ELAPOR1: variants seen among roughly 807,000 people sequenced by gnomAD.
ELAPOR1 encodes endosome/lysosome-associated apoptosis and autophagy regulator 1.
In ELAPOR1, 77 loss-of-function variants were observed where a neutral mutation model predicts 119.7. The observed-to-expected ratio is 0.64, with a 90% CI of 0.54 to 0.78. ELAPOR1 has a LOEUF of 0.78. Among genes scored for constraint, ELAPOR1 ranks in the 30% least tolerant of loss-of-function variants. The pLI is 0.00. For synonymous variants in ELAPOR1, 481 were observed against 487.2 expected (o/e 0.99, Z 0.17); for missense variants, 1,115 against 1,270.4 (o/e 0.88, Z 1.86).
At chr1:109,190,400 A>C (rs971662062) in intron 11 of ELAPOR1, among the ~76,000 whole-genome samples, 1 of 152,358 alleles carries the variant, frequency 6.6e-6, no homozygotes, top group Admixed American at 6.5e-5. Context: ...GAATTCAGGC[A>C]AATGGCTAAA....
intron 2 of ELAPOR1, among the ~76,000 whole-genome samples, chr1:109,164,083 C>A (rs1479245794): frequency 6.6e-6 from 1 of 152,184 alleles, no homozygotes; most frequent in East Asian, 1.9e-4. Context: ...CCATGAAATT[C>A]ATTCCTTTAA....
At chr1:109,169,550 A>G (rs1464949422) in intron 3 of ELAPOR1, among the ~76,000 whole-genome samples, 2 of 151,770 alleles carry the variant, frequency 1.3e-5, no homozygotes, top group Admixed American at 1.3e-4. Flanking sequence ...CGCCCACCCA[A>G]CTGGCCATTA....
At chr1:109,201,024 T>C (rs978764570) in intron 21 of ELAPOR1, 124 bp downstream of exon 21, 4 of 883,912 alleles carry the variant, frequency 4.5e-6, no homozygotes, top group South Asian at 1.8e-5. Context: ...CCGATACAAT[T>C]CCATTTCCCC....
intron 1 of ELAPOR1, among the ~76,000 whole-genome samples, chr1:109,142,941 T>A (rs1476055694): frequency 6.6e-6 from 1 of 152,134 alleles, no homozygotes; most frequent in African/African-American, 2.4e-5. Context: ...AAATGTGGTA[T>A]GTCCATACAA....
rs1286050424 is a variant in ELAPOR1, at chr1:109,202,922, C to G, written c.2974-22C>G. 4.3e-6 allele frequency: 7 copies of G among 1,614,018 alleles called. No homozygotes were observed. The South Asian group carries it at 7.7e-5, about 18-fold the overall frequency. ...ACTTGCCCCTGTGCAGCAGCCAGCT[C>G]CTGTCACCATCTCTCTTTCAGAGGA... On this transcript the variant is annotated intron_variant, in intron 21 of 21. Transcript: ENST00000369939.
intron 17 of ELAPOR1, 40 bp from the exon 18 acceptor site, chr1:109,198,532 TG>T: frequency 6.4e-7 from 1 of 1,556,146 alleles, no homozygotes; most frequent in Non-Finnish European, 8.8e-7. Context: ...ATAACACAGC[TG>T]AGTGACTCAT....
intron 7 of ELAPOR1, among the ~76,000 whole-genome samples, chr1:109,178,656 A>C (rs6688962): frequency 0.46 from 70,499 of 152,048 alleles, 17,364 homozygotes; most frequent in African/African-American, 0.64. Context: ...GGGATAGGAG[A>C]GCTGGGTGTA....
intron 1 of ELAPOR1, among the ~76,000 whole-genome samples, chr1:109,147,287 A>G (rs1376433412): frequency 6.6e-6 from 1 of 152,188 alleles, no homozygotes; most frequent in South Asian, 2.1e-4. Flanking sequence ...TTATCCAGCC[A>G]TGAAAAGATA....
chr1:109,172,098 G>T, intron 4 of ELAPOR1, 85 bp downstream of exon 4: 1 of 1,473,904 alleles, frequency 6.8e-7, no homozygotes, highest in East Asian at 2.3e-5. Flanking sequence ...CATGAGTGTA[G>T]CCCTGCTTGG....
intron 1 of ELAPOR1, among the ~76,000 whole-genome samples, chr1:109,121,800 GTCTC>G (rs911485318): frequency 6.2e-5 from 9 of 144,122 alleles, no homozygotes; most frequent in Non-Finnish European, 1.1e-4. Context: ...TTGAGACAGA[GTCTC>G]TCTCTGTCAC....
At chr1:109,135,194 C>G (rs1649386085) in intron 1 of ELAPOR1, among the ~76,000 whole-genome samples, 1 of 152,128 alleles carries the variant, frequency 6.6e-6, no homozygotes. Context: ...TAGGCCTACT[C>G]CAGAGATTCT....
rs778814758 is a variant in ELAPOR1, at chr1:109,200,732, T to A, written c.2808-3T>A. On this transcript the variant is annotated splice_region_variant and splice_polypyrimidine_tract_variant and intron_variant, in intron 20 of 21. Transcript: ENST00000369939. The stretch of plus-strand genomic sequence containing the variant: ...TTGTCTTTCCCATCCTCCTGTTTTA[T>A]AGACTAGAGTACAAGTACTCCAAGC... The A allele has an allele frequency of 6.2e-7, 1 of 1,612,140 alleles. No homozygotes were observed. The highest frequency in any genetic ancestry group is 8.5e-7 in the Non-Finnish European group (1 of 1,179,162).
At chr1:109,123,835 A>G (rs1328045251) in intron 1 of ELAPOR1, among the ~76,000 whole-genome samples, 1 of 152,062 alleles carries the variant, frequency 6.6e-6, no homozygotes, top group Non-Finnish European at 1.5e-5. Flanking sequence ...GTTTTTCTCT[A>G]TCTCATTCCC....
At chr1:109,120,563 T>C (rs1324822472) in intron 1 of ELAPOR1, among the ~76,000 whole-genome samples, 5 of 152,100 alleles carry the variant, frequency 3.3e-5, no homozygotes, top group Non-Finnish European at 5.9e-5. Context: ...TCCAGAGCTG[T>C]GAGCAATCAA....
In ELAPOR1 at chr1:109,171,962, C is replaced by G. The variant is rs201708708; in HGVS notation, c.564C>G (p.Thr188=). 1.7e-5 allele frequency: 28 copies of G among 1,614,032 alleles called. No homozygotes were observed. Among genetic ancestry groups the G allele is most frequent in the Non-Finnish European group, 2.3e-5 (27 of 1,180,036 alleles). Residue 188 remains threonine (T), a synonymous_variant, in exon 4 of 22, where the codon ACC becomes ACG. Transcript: ENST00000369939. ...CCGTCAACCTGAAGCAATCTGGCAC[C>G]GTTAACTTCGAATACTACTATCCAG... ...MYAVNLKQSG[T]VNFEYYYPDS...
In ELAPOR1 at chr1:109,194,607, A is replaced by G; in HGVS notation, c.2121+13A>G. The G allele has an allele frequency of 6.2e-7, 1 of 1,611,924 alleles. No individual in the cohort carries two copies. Among genetic ancestry groups the G allele is most frequent in the Non-Finnish European group, 8.5e-7 (1 of 1,178,080 alleles). On this transcript the variant is annotated intron_variant, in intron 15 of 21. Transcript: ENST00000369939. ...CTGTGGAAACCAGGTAAGGTATACC[A>G]GTTGACAGGGTGAAAATTGAATGGG...
At chr1:109,126,441 C>A (rs191072819) in intron 1 of ELAPOR1, among the ~76,000 whole-genome samples, 1 of 152,156 alleles carries the variant, frequency 6.6e-6, no homozygotes, top group Non-Finnish European at 1.5e-5. Flanking sequence ...AAATTTATCC[C>A]AATTTTAATC....
chr1:109,144,341 C>T (rs1014403037), intron 1 of ELAPOR1, among the ~76,000 whole-genome samples: 3 of 151,618 alleles, frequency 2.0e-5, no homozygotes, highest in Admixed American at 2.0e-4. Context: ...CGTGAGCCAT[C>T]GCACCCAGAC....
At chr1:109,188,998 C>CAGCA in intron 9 of ELAPOR1, 68 bp from the exon 10 acceptor site, 1 of 1,578,400 alleles carries the variant, frequency 6.3e-7, no homozygotes, top group South Asian at 1.2e-5. Flanking sequence ...GTCTGTGTGG[C>CAGCA]AGCAGCTCCA....
Sources: gnomAD v4.1 joint callset for allele counts (sites outside exome capture counted in the v4.1 genomes callset) on GRCh38, gnomAD v4.1.1 for gene constraint, MANE v1.5 for transcripts, NCBI Gene and HGNC (gene_info 2026-07-23, HGNC 2026-07-21) for gene names.